The following CALCR variants were observed in gnomAD, a reference collection of about 807,000 sequenced individuals.
CALCR encodes calcitonin receptor.
CALCR carries 47 observed loss-of-function variants against 59.5 expected under a neutral mutation model. The observed-to-expected ratio is 0.79, with a 90% CI of 0.63 to 1.01. The LOEUF is 1.01. CALCR is among the 50% of genes least tolerant of loss of function. CALCR has a pLI of 0.00. For missense variants in CALCR, 566 were observed against 597.1 expected, an observed-to-expected ratio of 0.95 and a Z score of 0.54; for synonymous variants, 213 against 211.3, an observed-to-expected ratio of 1.01 and a Z score of -0.07.
chr7:93,523,676 A>T (rs1801811575), intron 2 of CALCR, among the ~76,000 whole-genome samples: 1 of 152,186 alleles, frequency 6.6e-6, no homozygotes, highest in Non-Finnish European at 1.5e-5. Flanking sequence ...CTTCAAAAGC[A>T]CTAGTAAATA....
chr7:93,453,835 T>A (rs1234167595), intron 8 of CALCR, among the ~76,000 whole-genome samples: 2 of 152,036 alleles, frequency 1.3e-5, no homozygotes, highest in Non-Finnish European at 2.9e-5. Flanking sequence ...ATAATAACTT[T>A]AAAAAGGAAT....
intron 9 of CALCR, among the ~76,000 whole-genome samples, chr7:93,438,656 G>C (rs2115705106): frequency 6.6e-6 from 1 of 152,290 alleles, no homozygotes; most frequent in East Asian, 1.9e-4. Context: ...ACCCCGGAGG[G>C]ATGTGACCTG....
intron 3 of CALCR, among the ~76,000 whole-genome samples, chr7:93,485,056 G>A (rs1462917818): frequency 6.6e-6 from 1 of 151,830 alleles, no homozygotes; most frequent in Non-Finnish European, 1.5e-5. Context: ...GATTAATTAG[G>A]AACATTGTCA....
intron 3 of CALCR, among the ~76,000 whole-genome samples, chr7:93,480,162 G>A (rs544660728): frequency 6.6e-6 from 1 of 151,906 alleles, no homozygotes; most frequent in South Asian, 2.1e-4. Flanking sequence ...TTGCATTTTG[G>A]TACAGATTGA....
At chr7:93,524,630 G>A (rs1801838663) in intron 2 of CALCR, among the ~76,000 whole-genome samples, 1 of 151,656 alleles carries the variant, frequency 6.6e-6, no homozygotes, top group South Asian at 2.1e-4. Flanking sequence ...ACTCCAAGTT[G>A]TCCCATACTT....
intron 4 of CALCR, among the ~76,000 whole-genome samples, chr7:93,478,744 T>C (rs539957431): frequency 6.9e-4 from 104 of 151,752 alleles, no homozygotes; most frequent in Admixed American, 8.6e-4. Context: ...AGCTTGCCCA[T>C]CACATCTCCC....
At chr7:93,463,155 G>C (rs1359813582) in intron 7 of CALCR, among the ~76,000 whole-genome samples, 3 of 151,676 alleles carry the variant, frequency 2.0e-5, no homozygotes, top group African/African-American at 7.3e-5. Context: ...AAATTCTTCA[G>C]TTTCGTATTA....
intron 8 of CALCR, among the ~76,000 whole-genome samples, chr7:93,455,150 C>T (rs533190315): frequency 1.3e-5 from 2 of 152,024 alleles, no homozygotes; most frequent in East Asian, 3.9e-4. Flanking sequence ...ACAACAACAA[C>T]AAACACACAA....
intron 7 of CALCR, among the ~76,000 whole-genome samples, chr7:93,466,246 C>T (rs1800438638): frequency 6.6e-6 from 1 of 151,666 alleles, no homozygotes; most frequent in Non-Finnish European, 1.5e-5. Flanking sequence ...TTGTAATGTG[C>T]AGTAAAGATC....
At chr7:93,546,388 T>C (rs1201125083) in intron 2 of CALCR, among the ~76,000 whole-genome samples, 2 of 152,150 alleles carry the variant, frequency 1.3e-5, no homozygotes, top group African/African-American at 2.4e-5. Context: ...GCTATTATTA[T>C]GATCCTCATT....
chr7:93,532,802 A>G (rs1788873687), intron 2 of CALCR, among the ~76,000 whole-genome samples: 2 of 141,626 alleles, frequency 1.4e-5, no homozygotes, highest in Non-Finnish European at 3.0e-5. Context: ...ATACAAATCT[A>G]CCTCATATAA....
intron 2 of CALCR, among the ~76,000 whole-genome samples, chr7:93,546,862 GA>G (rs1340557854): frequency 6.6e-6 from 1 of 151,878 alleles, no homozygotes; most frequent in Non-Finnish European, 1.5e-5. Context: ...CACCCTGCAC[GA>G]CTTCTAATTC....
At chr7:93,517,304 C>T (rs1801669620) in intron 2 of CALCR, among the ~76,000 whole-genome samples, 1 of 147,168 alleles carries the variant, frequency 6.8e-6, no homozygotes. Context: ...GATTTGAGAA[C>T]TTTTTTTTTT....
chr7:93,498,055 A>G (rs923348401), intron 2 of CALCR, among the ~76,000 whole-genome samples: 6 of 151,668 alleles, frequency 4.0e-5, no homozygotes, highest in African/African-American at 1.4e-4. Context: ...TTTTGTCAGA[A>G]TTTCTACTCT....
intron 9 of CALCR, among the ~76,000 whole-genome samples, chr7:93,441,145 G>T (rs1799893662): frequency 6.6e-6 from 1 of 151,978 alleles, no homozygotes; most frequent in South Asian, 2.1e-4. Context: ...TTCCTTCCAG[G>T]GTGCCCTTGT....
chr7:93,461,051 T>C, intron 7 of CALCR, 104 bp from the exon 8 acceptor site: 1 of 953,716 alleles, frequency 1.0e-6, no homozygotes, highest in Non-Finnish European at 1.6e-6. Context: ...AAAAAAAAGA[T>C]GAAAGAACAT....
intron 2 of CALCR, among the ~76,000 whole-genome samples, chr7:93,524,136 C>A (rs1272648462): frequency 2.6e-5 from 4 of 151,184 alleles, no homozygotes; most frequent in Admixed American, 2.6e-4. Flanking sequence ...CCCCCAAATG[C>A]CCTTAATTTT....
At chr7:93,478,315 A>T (rs1205247348) in intron 4 of CALCR, among the ~76,000 whole-genome samples, 2 of 151,870 alleles carry the variant, frequency 1.3e-5, no homozygotes, top group Non-Finnish European at 2.9e-5. Flanking sequence ...AGAACTACAA[A>T]CTAAAACTTG....
rs1201008006 is a variant in CALCR at position 93,543,731 on chromosome 7, T to A, written c.-27+30558A>T. 3.9e-5 allele frequency among the ~76,000 whole-genome samples: 6 copies of A among 152,304 alleles called. No individual in the cohort carries two copies. The East Asian group carries it at 1.2e-3, about 29-fold the overall frequency. On this transcript the variant is annotated intron_variant, in intron 2 of 13. Transcript: ENST00000426151. Reference sequence around the variant, plus strand: ...TTGGGATCATACTGTAACTAGTTTTTTTGGCTAAGATTTTTTTCCAATGAG... The same window carrying A: ...TTGGGATCATACTGTAACTAGTTTTATTGGCTAAGATTTTTTTCCAATGAG...
Sources: gnomAD v4.1 joint callset for allele counts (sites outside exome capture counted in the v4.1 genomes callset) on GRCh38, gnomAD v4.1.1 for gene constraint, MANE v1.5 for transcripts, NCBI Gene and HGNC (gene_info 2026-07-23, HGNC 2026-07-21) for gene names.